Variants in TBC1D22A observed in about 807,000 individuals in gnomAD.
TBC1D22A encodes the protein putative GTPase activator.
Under a neutral mutation model 60.2 loss-of-function variants are expected in TBC1D22A, and 38 were observed. The ratio of observed to expected loss-of-function variants is 0.63; its 90% CI spans 0.49 to 0.83. The LOEUF (loss-of-function observed/expected upper bound fraction) is 0.83, where lower values mean the gene tolerates loss of function less well. Among genes scored for constraint, TBC1D22A ranks in the 40% least tolerant of loss-of-function variants. The probability of loss-of-function intolerance (pLI) is 0.00; values close to 1 mark genes in which losing one functional copy is unlikely to be tolerated. For synonymous variants in TBC1D22A, 302 were observed against 281.7 expected, an observed-to-expected ratio of 1.07 and a Z score of -0.72; for missense variants, 628 against 701.0, an observed-to-expected ratio of 0.90 and a Z score of 1.18.
chr22:46,794,803 T>A (rs1487886968), intron 3 of TBC1D22A, among the ~76,000 whole-genome samples: 2 of 152,094 alleles, frequency 1.3e-5, no homozygotes, highest in East Asian at 3.9e-4. Flanking sequence ...TCAGTGGTGC[T>A]GTTGGGAGGC....
intron 4 of TBC1D22A, among the ~76,000 whole-genome samples, 167 bp from the exon 5 acceptor site, chr22:46,878,486 C>T (rs577723150): frequency 2.6e-4 from 39 of 151,968 alleles, no homozygotes; most frequent in Non-Finnish European, 2.9e-4. Flanking sequence ...CACTTACCTT[C>T]TCTCAGATAT....
At chr22:46,954,810 C>G (rs2073103077) in intron 8 of TBC1D22A, among the ~76,000 whole-genome samples, 1 of 152,130 alleles carries the variant, frequency 6.6e-6, no homozygotes, top group African/African-American at 2.4e-5. Context: ...CAAAATGCTT[C>G]AAAATGTTAC....
chr22:47,174,880 C>T lies in TBC1D22A; in HGVS notation c.*1254C>T, dbSNP rs1249620831. The stretch of plus-strand genomic sequence containing the variant: ...AGGGCTGTGTCCTTGGCTCCAGGGG[C>T]CTTGGGACTGGCTTCCCAGCGTTCC... On this transcript the variant is annotated 3_prime_UTR_variant, in exon 13 of 13. Coordinates refer to ENST00000337137, the MANE Select transcript of TBC1D22A (RefSeq NM_014346.5). The T allele has an allele frequency of 6.6e-6, 1 of 152,308 alleles. No homozygotes were observed. The highest frequency in any genetic ancestry group is 1.5e-5 in the Non-Finnish European group (1 of 68,130). The allele number at this position is 152,308 out of a possible 1,614,324, so 9.4% of individuals were successfully genotyped here.
chr22:47,150,094 T>C (rs2147170728), intron 12 of TBC1D22A, among the ~76,000 whole-genome samples: 1 of 152,224 alleles, frequency 6.6e-6, no homozygotes, highest in East Asian at 1.9e-4. Context: ...ATGAGTGGAC[T>C]GCATTTCTCC....
At chr22:46,894,516 C>G (rs2068569116) in intron 6 of TBC1D22A, among the ~76,000 whole-genome samples, 1 of 152,212 alleles carries the variant, frequency 6.6e-6, no homozygotes, top group Non-Finnish European at 1.5e-5. Context: ...GAGGCCTGCT[C>G]TGTTTCTAAT....
At chr22:46,889,010 C>A (rs2068260303) in intron 5 of TBC1D22A, among the ~76,000 whole-genome samples, 1 of 152,158 alleles carries the variant, frequency 6.6e-6, no homozygotes, top group Non-Finnish European at 1.5e-5. Context: ...GTCCAAAAAT[C>A]TTTTTAAAAT....
chr22:47,033,023 T>A (rs1028700509), intron 10 of TBC1D22A, among the ~76,000 whole-genome samples: 3 of 152,198 alleles, frequency 2.0e-5, no homozygotes, highest in Non-Finnish European at 4.4e-5. Flanking sequence ...AGTAGCCAAC[T>A]GCTCCTTCAT....
chr22:47,038,345 G>T (rs1874641597), intron 11 of TBC1D22A, among the ~76,000 whole-genome samples: 1 of 152,180 alleles, frequency 6.6e-6, no homozygotes, highest in Non-Finnish European at 1.5e-5. Flanking sequence ...GACGTTTCTG[G>T]AAAGGGGAGC....
intron 11 of TBC1D22A, among the ~76,000 whole-genome samples, chr22:47,074,718 A>T (rs1333746230): frequency 6.6e-6 from 1 of 152,196 alleles, no homozygotes; most frequent in Non-Finnish European, 1.5e-5. Context: ...TGAGGGACAG[A>T]TGCTCCATGT....
At chr22:47,008,655 T>A (rs1041253781) in intron 10 of TBC1D22A, among the ~76,000 whole-genome samples, 15 of 152,228 alleles carry the variant, frequency 9.9e-5, no homozygotes, top group African/African-American at 3.1e-4. Flanking sequence ...GGGGCAAGGC[T>A]GCATCTGGAA....
chr22:46,972,924 C>T (rs1164534989), intron 8 of TBC1D22A, among the ~76,000 whole-genome samples: 2 of 152,220 alleles, frequency 1.3e-5, no homozygotes, highest in Admixed American at 1.3e-4. Flanking sequence ...CAGGTCCCGC[C>T]ATGTTGGATG....
intron 4 of TBC1D22A, among the ~76,000 whole-genome samples, chr22:46,811,750 G>A (rs1204301300): frequency 6.6e-6 from 1 of 152,136 alleles, no homozygotes; most frequent in African/African-American, 2.4e-5. Flanking sequence ...CGCCCTGCAG[G>A]ACTGATAGTT....
At chr22:47,141,217 C>T (rs899656445) in intron 12 of TBC1D22A, among the ~76,000 whole-genome samples, 3 of 152,108 alleles carry the variant, frequency 2.0e-5, no homozygotes, top group Non-Finnish European at 4.4e-5. Flanking sequence ...AGACCCACCT[C>T]CATGATTCAG....
intron 12 of TBC1D22A, among the ~76,000 whole-genome samples, chr22:47,140,930 T>C (rs117709515): frequency 6.6e-6 from 1 of 152,250 alleles, no homozygotes; most frequent in East Asian, 1.9e-4. Context: ...TCCGGAGCCC[T>C]GACTCTAGGA....
chr22:47,172,369 A>G (rs1334845055), intron 12 of TBC1D22A, among the ~76,000 whole-genome samples: 2 of 152,250 alleles, frequency 1.3e-5, no homozygotes, highest in South Asian at 2.1e-4. Context: ...TGTGAATTCA[A>G]TGCAATAAAT....
At chr22:46,878,780 C>CGTCTGGCCTGA in intron 5 of TBC1D22A, 57 bp downstream of exon 5, 4 of 1,566,286 alleles carry the variant, frequency 2.6e-6, no homozygotes, top group Non-Finnish European at 3.5e-6. Flanking sequence ...GGACTGCAGG[C>CGTCTGGCCTGA]GTCTGGCCTG....
chr22:47,046,012 G>A (rs1442749816), intron 11 of TBC1D22A, among the ~76,000 whole-genome samples: 4 of 152,214 alleles, frequency 2.6e-5, no homozygotes, highest in Non-Finnish European at 5.9e-5. Flanking sequence ...GAAGACCTAG[G>A]CCAAGGAGGT....
chr22:46,841,532 G>C (rs933454379), intron 4 of TBC1D22A, among the ~76,000 whole-genome samples: 25 of 152,324 alleles, frequency 1.6e-4, no homozygotes, highest in African/African-American at 5.3e-4. Flanking sequence ...AGGTAACCCT[G>C]TCATTTACAG....
chr22:47,135,977 G>A (rs1271363197), intron 12 of TBC1D22A, among the ~76,000 whole-genome samples: 1 of 152,242 alleles, frequency 6.6e-6, no homozygotes, highest in African/African-American at 2.4e-5. Flanking sequence ...ATGGGCCAGG[G>A]ACACCGGTTG....
Sources: allele counts gnomAD v4.1 joint callset (sites outside exome capture counted in the v4.1 genomes callset), GRCh38; gene constraint gnomAD v4.1.1; transcripts MANE v1.5; gene names NCBI Gene and HGNC (gene_info 2026-07-23, HGNC 2026-07-21).